The following SOX6 variants were observed in gnomAD, a reference collection of about 807,000 sequenced individuals.
SOX6 encodes the protein SRY-box transcription factor 6.
A neutral mutation model predicts 97.8 loss-of-function variants in SOX6; 11 were observed. The observed-to-expected ratio is 0.11, with a 90% CI of 0.07 to 0.19. The LOEUF is 0.19. Among genes scored for constraint, SOX6 ranks in the 10% least tolerant of loss-of-function variants. The pLI, the probability that SOX6 is intolerant of heterozygous loss-of-function variation, is 1.00. For missense variants in SOX6, 810 were observed against 1,039.5 expected (o/e 0.78, Z 3.04); for synonymous variants, 360 against 371.4 (o/e 0.97, Z 0.35).
intron 4 of SOX6, among the ~76,000 whole-genome samples, chr11:16,526,728 A>T (rs924079478): frequency 1.3e-5 from 2 of 152,234 alleles, no homozygotes; most frequent in Admixed American, 6.5e-5. Flanking sequence ...CTAAATATTA[A>T]TCCAGCCTTT....
At chr11:16,249,956 C>T (rs958116094) in intron 3 of SOX6, among the ~76,000 whole-genome samples, 3 of 152,138 alleles carry the variant, frequency 2.0e-5, no homozygotes, top group African/African-American at 7.2e-5. Context: ...AAATGATTCT[C>T]TACGATTTAC....
At chr11:16,569,868 C>CAAAAAAAAAAAAA (rs34604334) in intron 4 of SOX6, among the ~76,000 whole-genome samples, 17 of 84,780 alleles carry the variant, frequency 2.0e-4, no homozygotes, top group Admixed American at 3.4e-4. Context: ...GACTCCGTCT[C>CAAAAAAAAAAAAA]AAAAAAAAAA....
chr11:16,233,107 C>T (rs1440362580), intron 4 of SOX6, among the ~76,000 whole-genome samples: 3 of 152,060 alleles, frequency 2.0e-5, no homozygotes, highest in Non-Finnish European at 4.4e-5. Context: ...TTCAAAATAA[C>T]ATTTACATTA....
At chr11:16,634,852 GT>G (rs1565199540) in intron 3 of SOX6, among the ~76,000 whole-genome samples, 1 of 152,190 alleles carries the variant, frequency 6.6e-6, no homozygotes, top group Non-Finnish European at 1.5e-5. Context: ...CACGGGGGCA[GT>G]TACCTCCATG....
At chr11:16,138,703 C>T (rs1366913980) in intron 6 of SOX6, among the ~76,000 whole-genome samples, 1 of 152,062 alleles carries the variant, frequency 6.6e-6, no homozygotes, top group East Asian at 1.9e-4. Context: ...CTCCCCCCTC[C>T]TCCCACCCCA....
intron 4 of SOX6, among the ~76,000 whole-genome samples, chr11:16,598,830 A>T (rs1848239110): frequency 6.6e-6 from 1 of 152,088 alleles, no homozygotes. Context: ...TTTACATGTG[A>T]ATGGATATAT....
intron 3 of SOX6, among the ~76,000 whole-genome samples, chr11:16,270,765 T>G (rs925544410): frequency 4.0e-5 from 6 of 151,390 alleles, no homozygotes; most frequent in Non-Finnish European, 7.4e-5. Flanking sequence ...ATAAAAGTCA[T>G]ACACAAAAGG....
At chr11:16,341,531 T>G (rs566791712) in intron 1 of SOX6, among the ~76,000 whole-genome samples, 1 of 152,056 alleles carries the variant, frequency 6.6e-6, no homozygotes, top group South Asian at 2.1e-4. Context: ...ATGGACAGGG[T>G]GTGTATGTGT....
At chr11:16,620,716 A>T (rs1848534499) in intron 3 of SOX6, among the ~76,000 whole-genome samples, 1 of 152,200 alleles carries the variant, frequency 6.6e-6, no homozygotes, top group Non-Finnish European at 1.5e-5. Flanking sequence ...CCAGAATTTC[A>T]GCAATTTTGT....
At chr11:16,410,253 A>T (rs567974076) in intron 1 of SOX6, among the ~76,000 whole-genome samples, 4 of 152,344 alleles carry the variant, frequency 2.6e-5, no homozygotes, top group Non-Finnish European at 5.9e-5. Context: ...ATGAGTTTTT[A>T]AAAATAAAAT....
In SOX6 at chr11:16,711,848, G is replaced by C. The variant is rs139708182; in HGVS notation, n.429+2982C>G. Among the ~76,000 whole-genome samples, 208 of 152,170 alleles carry C rather than the reference G, an allele frequency of 1.4e-3. 1 individual carries two copies. Among genetic ancestry groups the C allele is most frequent in the African/African-American group, 4.9e-3 (204 of 41,528 alleles). ...CAGTATACACCGCACCACATGTGTA[G>C]TCTTTTATCCCTCATCCCCCTCTCA... On this transcript the variant is annotated intron_variant and non_coding_transcript_variant, in intron 3 of 5. Coordinates refer to the SOX6 transcript ENST00000524520.
chr11:16,583,602 T>TACAC (rs1848051737), intron 4 of SOX6, among the ~76,000 whole-genome samples: 1 of 96,630 alleles, frequency 1.0e-5, no homozygotes, highest in East Asian at 2.4e-4. Context: ...TGTATATATG[T>TACAC]GTATATATAT....
chr11:16,373,898 AGGAAGGGAGGGAGAAGG>A (rs1158337193), intron 1 of SOX6, among the ~76,000 whole-genome samples: 3 of 79,460 alleles, frequency 3.8e-5, no homozygotes, highest in East Asian at 3.7e-4. Flanking sequence ...GGAGGGAGGG[AGGAAGGGAGGGAGAAGG>A]GGAAGGGAGG....
chr11:16,368,140 T>C (rs1857405425), intron 1 of SOX6, among the ~76,000 whole-genome samples: 1 of 152,150 alleles, frequency 6.6e-6, no homozygotes, highest in African/African-American at 2.4e-5. Context: ...AGCACTCCCA[T>C]TATGTTTTGC....
intron 4 of SOX6, among the ~76,000 whole-genome samples, chr11:16,542,616 T>C (rs1005626072): frequency 2.0e-5 from 3 of 151,992 alleles, no homozygotes; most frequent in Admixed American, 1.3e-4. Context: ...GGTAAAAAAA[T>C]TTGAGAACTG....
chr11:16,196,313 C>T (rs932765567), intron 4 of SOX6, among the ~76,000 whole-genome samples: 23 of 152,182 alleles, frequency 1.5e-4, no homozygotes, highest in African/African-American at 5.5e-4. Flanking sequence ...ATCAGAAAGT[C>T]TGGCAACAGA....
At chr11:16,418,366 G>A (rs1858964572) in intron 1 of SOX6, among the ~76,000 whole-genome samples, 1 of 152,126 alleles carries the variant, frequency 6.6e-6, no homozygotes, top group African/African-American at 2.4e-5. Flanking sequence ...GCAAGAGATT[G>A]GAGAATTTAA....
chr11:16,594,348 C>T (rs1039403459), intron 4 of SOX6, among the ~76,000 whole-genome samples: 2 of 152,070 alleles, frequency 1.3e-5, no homozygotes, highest in Non-Finnish European at 2.9e-5. Flanking sequence ...TACAAATGGA[C>T]GCATTCTCTG....
rs975250470 is a variant in SOX6 at position 16,111,707 on chromosome 11, A to C, written c.898+96T>G. 5 of 1,467,258 alleles carry C rather than the reference A, an allele frequency of 3.4e-6. No individual in the cohort carries two copies. The South Asian group carries it at 5.7e-5, about 17-fold the overall frequency. The allele number at this position is 1,467,258 out of a possible 1,614,324, so 90.9% of individuals were successfully genotyped here. On this transcript the variant is annotated intron_variant, in intron 7 of 15. Transcript: ENST00000683767. Reference sequence around the variant, plus strand: ...AAGCTTTTATGATATTTTTATTCATAGTTCCCTGGCATGCTCCTGTGTTTG... The same window carrying C: ...AAGCTTTTATGATATTTTTATTCATCGTTCCCTGGCATGCTCCTGTGTTTG...
Sources: allele counts gnomAD v4.1 joint callset (sites outside exome capture counted in the v4.1 genomes callset), GRCh38; gene constraint gnomAD v4.1.1; transcripts MANE v1.5; gene names NCBI Gene and HGNC (gene_info 2026-07-23, HGNC 2026-07-21).